RORA: variants seen among roughly 807,000 people sequenced by gnomAD.
The protein encoded by RORA is RAR related orphan receptor A, also known as nuclear receptor ROR-alpha.
Under a neutral mutation model 69.5 loss-of-function variants are expected in RORA, and 7 were observed. That is an observed-to-expected ratio of 0.10 (90% CI 0.06 to 0.19). RORA has a LOEUF of 0.19. RORA is among the 10% of genes least tolerant of loss of function. The pLI is 1.00. For missense variants in RORA, 457 were observed against 663.0 expected, an observed-to-expected ratio of 0.69 and a Z score of 3.41; for synonymous variants, 261 against 240.8, an observed-to-expected ratio of 1.08 and a Z score of -0.78.
At chr15:60,898,800 G>A (rs1208821020) in intron 1 of RORA, among the ~76,000 whole-genome samples, 1 of 152,206 alleles carries the variant, frequency 6.6e-6, no homozygotes, top group African/African-American at 2.4e-5. Context: ...ACATAGGCTG[G>A]ATGGTGAAGT....
Position 60,805,321 on chromosome 15 carries a change from CAA to C in RORA, c.167-126637_167-126636del, listed in dbSNP as rs146102812. ...AACAGTCCAACAGGGCTGGGGAATT[CAA>C]AGTCATAGGAAAGACAGAGAGAAAG... On this transcript the variant is annotated intron_variant, in intron 1 of 10. Coordinates refer to ENST00000335670, the MANE Select transcript of RORA (RefSeq NM_134261.3). 1.3e-3 allele frequency among the ~76,000 whole-genome samples: 192 copies of C among 152,312 alleles called. 3 individuals are homozygous for C. In the East Asian group the frequency reaches 0.025, roughly 20 times the overall value.
At chr15:60,835,403 G>A (rs925671657) in intron 1 of RORA, among the ~76,000 whole-genome samples, 1 of 152,176 alleles carries the variant, frequency 6.6e-6, no homozygotes, top group Non-Finnish European at 1.5e-5. Context: ...AAAACGAAGA[G>A]GGTAAGCAAA....
chr15:60,657,141 T>C (rs908504635), intron 2 of RORA, among the ~76,000 whole-genome samples: 1 of 152,138 alleles, frequency 6.6e-6, no homozygotes, highest in African/African-American at 2.4e-5. Flanking sequence ...TAAAAGGCCT[T>C]GTCTTCAGAT....
intron 1 of RORA, chr15:61,182,991 G>A (rs1249254932): frequency 6.6e-6 from 1 of 152,312 alleles, no homozygotes; most frequent in Non-Finnish European, 1.5e-5. Context: ...ATCACAGGCT[G>A]GGGGAGACTA....
intron 1 of RORA, among the ~76,000 whole-genome samples, chr15:60,701,555 C>T (rs1482239202): frequency 1.3e-5 from 2 of 152,162 alleles, no homozygotes; most frequent in African/African-American, 2.4e-5. Context: ...TGTGAGAATG[C>T]ATTCACTAGC....
intron 1 of RORA, among the ~76,000 whole-genome samples, chr15:61,138,713 G>A (rs1448234483): frequency 2.0e-5 from 3 of 151,784 alleles, no homozygotes. Flanking sequence ...TGTGCCCCTC[G>A]GGACATCAAG....
chr15:60,788,352 G>T (rs959761778), intron 1 of RORA, among the ~76,000 whole-genome samples: 10 of 152,186 alleles, frequency 6.6e-5, no homozygotes, highest in African/African-American at 1.9e-4. Context: ...TGGCTGGTGG[G>T]GTGGGGAATG....
intron 1 of RORA, among the ~76,000 whole-genome samples, chr15:60,836,835 T>C (rs1269767204): frequency 6.6e-6 from 1 of 152,058 alleles, no homozygotes; most frequent in Non-Finnish European, 1.5e-5. Flanking sequence ...AGCTCCCCCC[T>C]CTGCCCTCCC....
At chr15:60,743,429 T>G (rs1017766465) in intron 1 of RORA, among the ~76,000 whole-genome samples, 1 of 152,224 alleles carries the variant, frequency 6.6e-6, no homozygotes, top group Non-Finnish European at 1.5e-5. Context: ...CCTGTTTACA[T>G]GCCTACCATG....
intron 1 of RORA, among the ~76,000 whole-genome samples, chr15:60,767,665 C>T (rs189232084): frequency 8.9e-4 from 136 of 152,260 alleles, no homozygotes; most frequent in African/African-American, 3.0e-3. Context: ...TCACTGTACC[C>T]GAGGTATTCT....
intron 1 of RORA, among the ~76,000 whole-genome samples, chr15:60,722,025 C>A (rs1273843158): frequency 6.6e-6 from 1 of 152,222 alleles, no homozygotes; most frequent in Non-Finnish European, 1.5e-5. Flanking sequence ...AGATTTAGCC[C>A]AGCCAGAGTC....
chr15:60,615,058 A>G lies in RORA; in HGVS notation c.196+63599T>C, dbSNP rs765631549. 3 of 1,595,414 alleles carry G rather than the reference A, an allele frequency of 1.9e-6. No individual in the cohort carries two copies. In the African/African-American group the frequency reaches 4.0e-5, roughly 21 times the overall value. ...AGGGAAAACAGAACAGCGTCAACCC[A>G]CACACAGCCCCCTTTCTGCTTCCTA... On this transcript the variant is annotated intron_variant, in intron 2 of 10. Coordinates refer to ENST00000335670, the MANE Select transcript of RORA (RefSeq NM_134261.3).
chr15:60,947,049 G>C (rs182249429), intron 1 of RORA, among the ~76,000 whole-genome samples: 13 of 86,278 alleles, frequency 1.5e-4, no homozygotes, highest in African/African-American at 4.0e-4. Context: ...CAGCCGCCCC[G>C]TCCGGGAGGG....
chr15:60,956,724 A>G (rs958772812), intron 1 of RORA, among the ~76,000 whole-genome samples: 3 of 152,206 alleles, frequency 2.0e-5, no homozygotes, highest in African/African-American at 7.2e-5. Flanking sequence ...TAAGGACTCA[A>G]TAAATAGCTA....
intron 1 of RORA, among the ~76,000 whole-genome samples, chr15:60,942,439 G>A (rs923121802): frequency 5.9e-5 from 9 of 152,188 alleles, no homozygotes; most frequent in Admixed American, 2.6e-4. Flanking sequence ...TTCATAAGGC[G>A]AATTATGTGT....
chr15:61,224,051 A>G (rs977385299), intron 1 of RORA, among the ~76,000 whole-genome samples: 1 of 151,940 alleles, frequency 6.6e-6, no homozygotes, highest in Admixed American at 6.5e-5. Flanking sequence ...AAAATGAGAG[A>G]CAGAGAGTAT....
At chr15:60,608,694 GA>G (rs2069010165) in intron 2 of RORA, among the ~76,000 whole-genome samples, 1 of 152,158 alleles carries the variant, frequency 6.6e-6, no homozygotes, top group African/African-American at 2.4e-5. Flanking sequence ...TTCTTCAGAA[GA>G]TTTTTTGTCA....
At chr15:60,947,326 A>T (rs1233420798) in intron 1 of RORA, among the ~76,000 whole-genome samples, 1 of 151,686 alleles carries the variant, frequency 6.6e-6, no homozygotes, top group Non-Finnish European at 1.5e-5. Flanking sequence ...GACATAGGAG[A>T]CTCCATTTTG....
At position 60,831,097 on chromosome 15, in the gene RORA, T is replaced by C. The variant is rs2073036407; in HGVS notation, c.167-152411A>G. On this transcript the variant is annotated intron_variant, in intron 1 of 10. Transcript: ENST00000335670. ...AAGCAGATGAAGGGCCTTTACAGTTTGGGGAACATTAAATAAGCTGTGTCT... is the reference window on the plus strand; with the variant it reads ...AAGCAGATGAAGGGCCTTTACAGTTCGGGGAACATTAAATAAGCTGTGTCT... Among the ~76,000 whole-genome samples the C allele has an allele frequency of 2.6e-5, 4 of 152,178 alleles. No individual in the cohort carries two copies. In the South Asian group the frequency reaches 8.3e-4, roughly 31 times the overall value.
Sources: allele counts gnomAD v4.1 joint callset (sites outside exome capture counted in the v4.1 genomes callset), GRCh38; gene constraint gnomAD v4.1.1; transcripts MANE v1.5; gene names NCBI Gene and HGNC (gene_info 2026-07-23, HGNC 2026-07-21).